Variants in ZBTB20 observed in about 807,000 individuals in gnomAD.
The protein encoded by ZBTB20 is zinc finger and BTB domain-containing protein 20.
Under a neutral mutation model 56.9 loss-of-function variants are expected in ZBTB20, and 9 were observed. That is an observed-to-expected ratio of 0.16 (90% CI 0.10 to 0.28). ZBTB20 has a LOEUF of 0.28. Among genes scored for constraint, ZBTB20 ranks in the 10% least tolerant of loss-of-function variants. The probability of loss-of-function intolerance (pLI) is 1.00; values close to 1 mark genes in which losing one functional copy is unlikely to be tolerated. For missense variants in ZBTB20, 655 were observed against 1,003.0 expected, an observed-to-expected ratio of 0.65 and a Z score of 4.69; for synonymous variants, 417 against 420.7, an observed-to-expected ratio of 0.99 and a Z score of 0.11.
chr3:114,491,065 T>C (rs553875916), intron 7 of ZBTB20, among the ~76,000 whole-genome samples: 30 of 152,230 alleles, frequency 2.0e-4, no homozygotes, highest in African/African-American at 6.5e-4. Flanking sequence ...CTGTATTTTC[T>C]GTACCAAACA....
intron 4 of ZBTB20, among the ~76,000 whole-genome samples, chr3:114,832,057 A>G (rs1437090951): frequency 1.3e-5 from 2 of 152,138 alleles, no homozygotes; most frequent in African/African-American, 2.4e-5. Flanking sequence ...CTGAGAGTCT[A>G]TAGACAGGTC....
At chr3:114,367,474 G>T (rs1294079080) in intron 10 of ZBTB20, among the ~76,000 whole-genome samples, 2 of 152,174 alleles carry the variant, frequency 1.3e-5, no homozygotes, top group Non-Finnish European at 2.9e-5. Flanking sequence ...GCTGAGGCTG[G>T]TCTCAAACTC....
At position 114,646,260 on chromosome 3, in the gene ZBTB20, G is replaced by A. The variant is rs113609229; in HGVS notation, c.-295+47268C>T. ...GATGCCCTCACTCAGTAGGACTGGT[G>A]GATGGAAGAAGTTTGAAAAACTTTT... On this transcript the variant is annotated intron_variant, in intron 6 of 11. Coordinates refer to ENST00000675478, the MANE Select transcript of ZBTB20 (RefSeq NM_001348800.3). Among the ~76,000 whole-genome samples, 859 of 151,822 alleles carry A rather than the reference G, an allele frequency of 5.7e-3. 17 individuals carry two copies. Among genetic ancestry groups the A allele is most frequent in the African/African-American group, 0.02 (834 of 41,232 alleles).
intron 6 of ZBTB20, among the ~76,000 whole-genome samples, chr3:114,682,556 C>T (rs2062044806): frequency 6.6e-6 from 1 of 152,124 alleles, no homozygotes; most frequent in African/African-American, 2.4e-5. Context: ...CTATTCAGTG[C>T]TTACCATAAT....
Position 115,015,726 on chromosome 3 carries a change from G to C in ZBTB20, c.-506-41310C>G, listed in dbSNP as rs149051288. 3.2e-3 allele frequency among the ~76,000 whole-genome samples: 492 copies of C among 151,918 alleles called. 2 individuals carry two copies. Among genetic ancestry groups the C allele is most frequent in the African/African-American group, 0.011 (459 of 41,482 alleles). On this transcript the variant is annotated intron_variant, in intron 2 of 11. Coordinates refer to ENST00000675478, the MANE Select transcript of ZBTB20 (RefSeq NM_001348800.3). ...TCTTTATCCAGTTTATCACTGATGG[G>C]CTTTTGGGTTGATTCCATGTCTCTG...
At chr3:114,795,458 T>G (rs1437387785) in intron 5 of ZBTB20, among the ~76,000 whole-genome samples, 1 of 152,100 alleles carries the variant, frequency 6.6e-6, no homozygotes, top group Non-Finnish European at 1.5e-5. Flanking sequence ...TTTTAGTTCT[T>G]TGAATACAGA....
intron 6 of ZBTB20, among the ~76,000 whole-genome samples, chr3:114,592,251 CT>C (rs1163163032): frequency 8.5e-5 from 13 of 152,124 alleles, no homozygotes; most frequent in Non-Finnish European, 1.8e-4. Flanking sequence ...ATTAAAGGCT[CT>C]GCTGGTTACG....
intron 5 of ZBTB20, among the ~76,000 whole-genome samples, chr3:114,757,822 T>C (rs1349619861): frequency 6.6e-6 from 1 of 152,166 alleles, no homozygotes; most frequent in Non-Finnish European, 1.5e-5. Flanking sequence ...TATTTATTTA[T>C]ATTTTAAAAT....
chr3:114,668,347 T>G (rs898763689), intron 6 of ZBTB20, among the ~76,000 whole-genome samples: 1 of 152,048 alleles, frequency 6.6e-6, no homozygotes, highest in Admixed American at 6.6e-5. Flanking sequence ...AATAGTACCC[T>G]GCTCCTATGG....
intron 4 of ZBTB20, among the ~76,000 whole-genome samples, chr3:114,839,876 C>A (rs2074309872): frequency 6.6e-6 from 1 of 152,180 alleles, no homozygotes; most frequent in African/African-American, 2.4e-5. Context: ...ATGATTCCCC[C>A]TCACTTAGAG....
At chr3:114,991,237 G>A (rs1411114252) in intron 2 of ZBTB20, among the ~76,000 whole-genome samples, 1 of 151,962 alleles carries the variant, frequency 6.6e-6, no homozygotes. Flanking sequence ...TCTCTTGTGG[G>A]CATTTGGTGC....
chr3:114,697,246 TA>T (rs2063098799), intron 5 of ZBTB20, among the ~76,000 whole-genome samples: 1 of 152,006 alleles, frequency 6.6e-6, no homozygotes, highest in South Asian at 2.1e-4. Flanking sequence ...CCGTCTTCCT[TA>T]TACTCTTTCT....
chr3:114,669,561 C>T (rs74650192), intron 6 of ZBTB20, among the ~76,000 whole-genome samples: 1,566 of 151,390 alleles, frequency 0.01, 21 homozygotes, highest in African/African-American at 0.034. Context: ...ATGAAGTCAT[C>T]GACTATGCAA....
intron 5 of ZBTB20, among the ~76,000 whole-genome samples, chr3:114,714,892 T>C (rs1011787468): frequency 1.3e-5 from 2 of 152,198 alleles, no homozygotes; most frequent in African/African-American, 4.8e-5. Flanking sequence ...GGCAGAAAGA[T>C]AGACAGACCA....
At chr3:114,591,536 A>T (rs1352248903) in intron 6 of ZBTB20, among the ~76,000 whole-genome samples, 2 of 152,176 alleles carry the variant, frequency 1.3e-5, no homozygotes, top group African/African-American at 4.8e-5. Flanking sequence ...GGAAAAAAGA[A>T]GACAATCCCA....
chr3:114,344,846 T>C (rs556287429), intron 11 of ZBTB20, among the ~76,000 whole-genome samples: 14 of 152,312 alleles, frequency 9.2e-5, no homozygotes, highest in African/African-American at 3.4e-4. Context: ...ATGGCTGAAA[T>C]AGCTGAACTT....
intron 4 of ZBTB20, among the ~76,000 whole-genome samples, chr3:114,845,884 A>G (rs540398527): frequency 1.3e-5 from 2 of 152,264 alleles, no homozygotes; most frequent in South Asian, 2.1e-4. Context: ...TTGGTGCTCA[A>G]CTGCACTTGT....
chr3:114,339,440 AAG>A lies in ZBTB20; in HGVS notation c.1805-16_1805-15del. The A allele has an allele frequency of 1.2e-6, 2 of 1,610,290 alleles. No homozygotes were observed. The highest frequency in any genetic ancestry group is 1.7e-6 in the Non-Finnish European group (2 of 1,177,566). ...GGGGCTTCTCACCTGTTGATGTAGG[AAG>A]AGACAGCAAGCAGGACAGAGCGAGA... On this transcript the variant is annotated splice_polypyrimidine_tract_variant and intron_variant, in intron 11 of 11. Transcript: ENST00000675478. This position sits in a 1 kb window ranked among gnomAD's most constrained non-coding sequence, Gnocchi z 4.2.
At chr3:114,929,840 T>C (rs1193775059) in intron 3 of ZBTB20, among the ~76,000 whole-genome samples, 1 of 152,214 alleles carries the variant, frequency 6.6e-6, no homozygotes, top group Non-Finnish European at 1.5e-5. Context: ...TTTAACTCCT[T>C]CCTTTGAAAT....
Sources: gnomAD v4.1 joint callset for allele counts (sites outside exome capture counted in the v4.1 genomes callset) on GRCh38, gnomAD v4.1.1 for gene constraint, Gnocchi (gnomAD v3.1) non-coding constraint, MANE v1.5 for transcripts, NCBI Gene and HGNC (gene_info 2026-07-23, HGNC 2026-07-21) for gene names.